STPG2: variants seen among roughly 807,000 people sequenced by gnomAD.
STPG2 encodes the protein sperm-tail PG-rich repeat-containing protein 2.
A neutral mutation model predicts 54.2 loss-of-function variants in STPG2; 56 were observed. The observed-to-expected ratio is 1.03, with a 90% CI of 0.83 to 1.29. The LOEUF (loss-of-function observed/expected upper bound fraction) is 1.29, where lower values mean the gene tolerates loss of function less well. Ranked by LOEUF, STPG2 falls within the 50% of genes most tolerant of loss-of-function variation. The probability of loss-of-function intolerance (pLI) is 0.00; values close to 1 mark genes in which losing one functional copy is unlikely to be tolerated. For missense variants in STPG2, 596 were observed against 544.9 expected (o/e 1.09, Z -0.93); for synonymous variants, 200 against 181.8 (o/e 1.10, Z -0.81).
intron 8 of STPG2, among the ~76,000 whole-genome samples, chr4:97,873,238 T>A (rs1382615932): frequency 6.6e-6 from 1 of 150,962 alleles, no homozygotes; most frequent in Non-Finnish European, 1.5e-5. Flanking sequence ...CCCTTCTTTC[T>A]CCTTTCCACA....
intron 8 of STPG2, among the ~76,000 whole-genome samples, chr4:97,852,486 C>T (rs1384538831): frequency 6.6e-6 from 1 of 152,112 alleles, no homozygotes; most frequent in Non-Finnish European, 1.5e-5. Flanking sequence ...ACACTGTGCA[C>T]AAGGCATTTC....
At chr4:97,638,438 G>T (rs1418858290) in intron 10 of STPG2, among the ~76,000 whole-genome samples, 1 of 152,080 alleles carries the variant, frequency 6.6e-6, no homozygotes, top group African/African-American at 2.4e-5. Flanking sequence ...GCATGGGCAA[G>T]GACTTCATGT....
At chr4:97,797,495 G>T (rs1727236009) in intron 9 of STPG2, among the ~76,000 whole-genome samples, 1 of 152,136 alleles carries the variant, frequency 6.6e-6, no homozygotes, top group South Asian at 2.1e-4. Context: ...TACGTTTATT[G>T]ATTTGCCTAT....
At chr4:97,873,984 C>T (rs916281815) in intron 8 of STPG2, among the ~76,000 whole-genome samples, 2 of 151,050 alleles carry the variant, frequency 1.3e-5, no homozygotes, top group African/African-American at 4.8e-5. Context: ...TATATTTTTT[C>T]TCTAATTATG....
chr4:97,741,593 G>A (rs1277903711), intron 9 of STPG2, among the ~76,000 whole-genome samples: 3 of 152,180 alleles, frequency 2.0e-5, no homozygotes, highest in Non-Finnish European at 2.9e-5. Flanking sequence ...CATGTATGCA[G>A]CCAAGAAACA....
chr4:98,108,267 T>C (rs886784741), intron 4 of STPG2, among the ~76,000 whole-genome samples: 5 of 152,064 alleles, frequency 3.3e-5, no homozygotes, highest in Non-Finnish European at 7.4e-5. Context: ...ACGTAATCAC[T>C]CTGGGGCTTC....
chr4:97,786,696 A>G (rs1420592400), intron 9 of STPG2, among the ~76,000 whole-genome samples: 1 of 152,048 alleles, frequency 6.6e-6, no homozygotes, highest in Non-Finnish European at 1.5e-5. Context: ...TCTTTGTCCA[A>G]TGCATTCATG....
At chr4:97,554,349 C>A (rs775606197), downstream of STPG2, among the ~76,000 whole-genome samples, 1 of 152,168 alleles carries the variant, frequency 6.6e-6, no homozygotes, top group African/African-American at 2.4e-5. Flanking sequence ...AGAATCCAGT[C>A]TTCAGGGGAG....
intron 5 of STPG2, among the ~76,000 whole-genome samples, chr4:98,015,283 G>C (rs980071504): frequency 6.6e-6 from 1 of 151,838 alleles, no homozygotes; most frequent in African/African-American, 2.4e-5. Context: ...CTACAGAATG[G>C]GAGAAAATTT....
At chr4:97,828,722 C>G (rs886307822) in intron 9 of STPG2, among the ~76,000 whole-genome samples, 1 of 152,138 alleles carries the variant, frequency 6.6e-6, no homozygotes, top group Non-Finnish European at 1.5e-5. Context: ...GGGCATCCAC[C>G]ACTGCTGAGG....
In STPG2 at chr4:98,059,215, A is replaced by C. The variant is rs191198518; in HGVS notation, c.612+46738T>G. On this transcript the variant is annotated intron_variant, in intron 5 of 10. Coordinates refer to ENST00000295268, the MANE Select transcript of STPG2 (RefSeq NM_174952.3). ...ATAAACATCAGAAACTACTATGTAC[A>C]CCTTTGTGCACACAAACTAGAAAAC... Among the ~76,000 whole-genome samples the C allele has an allele frequency of 4.2e-3, 645 of 152,236 alleles. 3 individuals are homozygous for C. The highest frequency in any genetic ancestry group is 0.024 in the South Asian group (116 of 4,824).
chr4:98,012,274 A>C (rs1381222809), intron 5 of STPG2, among the ~76,000 whole-genome samples: 1 of 151,982 alleles, frequency 6.6e-6, no homozygotes, highest in Middle Eastern at 3.2e-3. Context: ...GTGTGGTGTG[A>C]TTTCTGAGGT....
At chr4:97,708,355 C>A (rs1041810037) in intron 10 of STPG2, among the ~76,000 whole-genome samples, 6 of 151,774 alleles carry the variant, frequency 4.0e-5, no homozygotes, top group African/African-American at 1.4e-4. Flanking sequence ...AAAATAATTT[C>A]TAAAAAAATT....
At chr4:97,993,303 AT>A (rs1735080929) in intron 5 of STPG2, among the ~76,000 whole-genome samples, 3 of 152,048 alleles carry the variant, frequency 2.0e-5, no homozygotes, top group Admixed American at 2.0e-4. Context: ...GGAATGCTGG[AT>A]TTTGTCAAAT....
chr4:97,556,276 C>T (rs915858478), downstream of STPG2, among the ~76,000 whole-genome samples: 20 of 152,166 alleles, frequency 1.3e-4, no homozygotes, highest in Non-Finnish European at 2.2e-4. Context: ...CTTAGGTTTA[C>T]ATCAGTAATG....
At chr4:98,075,438 G>C (rs1560667763) in intron 5 of STPG2, among the ~76,000 whole-genome samples, 1 of 152,134 alleles carries the variant, frequency 6.6e-6, no homozygotes. Context: ...TTTATGCTTA[G>C]TATCTTAGCC....
At chr4:97,528,705 G>A (rs1047056521) in intron 4 of STPG2, among the ~76,000 whole-genome samples, 1 of 152,052 alleles carries the variant, frequency 6.6e-6, no homozygotes. Flanking sequence ...TCCTTAAAGA[G>A]GTCCTTCACA....
intron 10 of STPG2, among the ~76,000 whole-genome samples, chr4:97,660,727 C>G (rs1363282032): frequency 1.3e-5 from 2 of 151,974 alleles, no homozygotes; most frequent in East Asian, 3.9e-4. Context: ...CTCATGTGAT[C>G]CCCAAAAAAC....
Position 98,035,256 on chromosome 4 carries a change from AAAAC to A in STPG2, c.613-53942_613-53939del, listed in dbSNP as rs760313891. On this transcript the variant is annotated intron_variant, in intron 5 of 10. Coordinates refer to ENST00000295268, the MANE Select transcript of STPG2 (RefSeq NM_174952.3). ...AGAACTTAAACAAATTTACAAGAAA[AAAAC>A]AAACAACCCCATCAAAAAGTGGGCA... is the stretch of plus-strand genomic sequence containing the variant. 1.5e-4 allele frequency among the ~76,000 whole-genome samples: 23 copies of A among 152,302 alleles called. No individual in the cohort carries two copies. In the East Asian group the frequency reaches 2.9e-3, roughly 19 times the overall value.
Sources: gnomAD v4.1 joint callset for allele counts (sites outside exome capture counted in the v4.1 genomes callset) on GRCh38, gnomAD v4.1.1 for gene constraint, MANE v1.5 for transcripts, NCBI Gene and HGNC (gene_info 2026-07-23, HGNC 2026-07-21) for gene names.